The following MIPEP variants were observed in gnomAD, a reference collection of about 807,000 sequenced individuals.
MIPEP encodes the protein mitochondrial intermediate peptidase.
In MIPEP, 79 loss-of-function variants were observed where a neutral mutation model predicts 90.3. The ratio of observed to expected loss-of-function variants is 0.87; its 90% CI spans 0.73 to 1.05. The LOEUF (loss-of-function observed/expected upper bound fraction) is 1.05, where lower values mean the gene tolerates loss of function less well. MIPEP is among the 50% of genes least tolerant of loss of function. MIPEP has a pLI of 0.00. For synonymous variants in MIPEP, 334 were observed against 315.8 expected (o/e 1.06, Z -0.61); for missense variants, 940 against 905.6 (o/e 1.04, Z -0.49).
chr13:23,828,440 T>C (rs754579342), intron 14 of MIPEP, among the ~76,000 whole-genome samples: 2 of 152,198 alleles, frequency 1.3e-5, no homozygotes, highest in South Asian at 2.1e-4. Context: ...TAAAAGTCTA[T>C]AGACAAATTC....
At chr13:23,733,262 G>C (rs1282047597) in intron 18 of MIPEP, among the ~76,000 whole-genome samples, 1 of 150,176 alleles carries the variant, frequency 6.7e-6, no homozygotes, top group African/African-American at 2.4e-5. Flanking sequence ...AGATGGGATT[G>C]AGCAGAAACT....
chr13:23,850,156 C>T (rs776099079), intron 10 of MIPEP, among the ~76,000 whole-genome samples: 16 of 152,182 alleles, frequency 1.1e-4, no homozygotes, highest in East Asian at 1.9e-4. Flanking sequence ...GGACACAGCA[C>T]GTGACAGTAC....
At chr13:23,807,388 T>G (rs1953122792) in intron 15 of MIPEP, among the ~76,000 whole-genome samples, 1 of 152,222 alleles carries the variant, frequency 6.6e-6, no homozygotes, top group African/African-American at 2.4e-5. Context: ...TCTTTGTGAT[T>G]CAGAAATGGG....
intron 18 of MIPEP, among the ~76,000 whole-genome samples, chr13:23,755,040 G>T (rs184421380): frequency 2.6e-4 from 39 of 152,226 alleles, no homozygotes; most frequent in Non-Finnish European, 4.3e-4. Context: ...CTATAAAACG[G>T]GGATCATAAC....
chr13:23,882,492 G>T (rs559210412), intron 2 of MIPEP, among the ~76,000 whole-genome samples: 1 of 151,992 alleles, frequency 6.6e-6, no homozygotes, highest in Non-Finnish European at 1.5e-5. Context: ...ATATGAGTTC[G>T]TAGTCTCCAT....
At chr13:23,820,695 A>G (rs1346276424) in intron 14 of MIPEP, among the ~76,000 whole-genome samples, 3 of 152,182 alleles carry the variant, frequency 2.0e-5, no homozygotes, top group African/African-American at 7.2e-5. Flanking sequence ...CTCCCAGGCC[A>G]GCACAGCCCC....
At position 23,889,303 on chromosome 13, in the gene MIPEP, C is replaced by A; in HGVS notation, c.18G>T (p.Arg6Ser). The A allele has an allele frequency of 6.7e-6, 9 of 1,350,754 alleles. No individual in the cohort carries two copies. Among genetic ancestry groups the A allele is most frequent in the South Asian group, 1.8e-5 (1 of 54,916 alleles). 83.7% of individuals were successfully genotyped at this position (1,350,754 alleles called of 1,614,324 possible). Residue 6 changes from arginine (R) to serine (S), a missense_variant, in exon 1 of 19, where the codon AGG becomes AGT. Physicochemically the swap from Arg to Ser is moderately radical, Grantham distance 110 (BLOSUM62 -1). Transcript: ENST00000382172. MLCVG[R>S]LGGLGARAAA... The stretch of plus-strand genomic sequence containing the variant: ...CTGCTCTGGCTCCCAAGCCGCCCAG[C>A]CTTCCGACGCACAGCATTCTAGCAC...
rs189917087 is a variant in MIPEP at position 23,858,092 on chromosome 13, A to T, written c.1106+768T>A. Among the ~76,000 whole-genome samples, 475 of 152,286 alleles carry T rather than the reference A, an allele frequency of 3.1e-3. 4 individuals are homozygous for T. Among genetic ancestry groups the T allele is most frequent in the African/African-American group, 0.011 (438 of 41,550 alleles). ...CTAACTACAAGGGAAAAATGTTAAT[A>T]AGTTGTTAAAGAGTAGGATTCTGAG... On this transcript the variant is annotated intron_variant, in intron 10 of 18. Coordinates refer to ENST00000382172, the MANE Select transcript of MIPEP (RefSeq NM_005932.4).
At chr13:23,842,720 C>T (rs117293969) in intron 10 of MIPEP, among the ~76,000 whole-genome samples, 12 of 152,192 alleles carry the variant, frequency 7.9e-5, no homozygotes, top group Non-Finnish European at 1.5e-4. Context: ...CGAATGAGCA[C>T]TGCAAAATGG....
At chr13:23,780,555 CT>C (rs1460472492) in intron 16 of MIPEP, among the ~76,000 whole-genome samples, 7 of 152,236 alleles carry the variant, frequency 4.6e-5, no homozygotes, top group African/African-American at 1.7e-4. Flanking sequence ...GCCTCTCCCC[CT>C]CCAAAGGAAC....
At chr13:23,832,056 A>G (rs1868796053) in intron 14 of MIPEP, among the ~76,000 whole-genome samples, 1 of 152,174 alleles carries the variant, frequency 6.6e-6, no homozygotes, top group Admixed American at 6.5e-5. Context: ...TTTAAGCCCC[A>G]ATGGGGCTTA....
At chr13:23,861,981 T>C (rs1444279358) in intron 9 of MIPEP, among the ~76,000 whole-genome samples, 1 of 152,236 alleles carries the variant, frequency 6.6e-6, no homozygotes, top group South Asian at 2.1e-4. Flanking sequence ...AAGCCTCCAC[T>C]GAGTCTCCTT....
intron 18 of MIPEP, among the ~76,000 whole-genome samples, chr13:23,750,565 G>T (rs745721239): frequency 1.3e-5 from 2 of 152,102 alleles, no homozygotes; most frequent in Non-Finnish European, 2.9e-5. Flanking sequence ...TCCACATGAC[G>T]CATCACTGAT....
chr13:23,848,885 G>A (rs1239866937), intron 10 of MIPEP, among the ~76,000 whole-genome samples: 1 of 152,212 alleles, frequency 6.6e-6, no homozygotes, highest in Admixed American at 6.5e-5. Context: ...GAAGGAGAGA[G>A]GTCCAGAGAG....
chr13:23,754,899 C>T (rs1952475634), intron 18 of MIPEP, among the ~76,000 whole-genome samples: 1 of 152,232 alleles, frequency 6.6e-6, no homozygotes, highest in East Asian at 1.9e-4. Flanking sequence ...AGACCCTGAA[C>T]TAGATGTCCT....
Position 23,879,286 on chromosome 13 carries a change from G to A in MIPEP, c.521C>T (p.Ser174Phe). 6.2e-7 allele frequency: 1 copy of A among 1,602,638 alleles called. No individual in the cohort carries two copies. Residue 174 changes from serine (S) to phenylalanine (F), a missense_variant, in exon 4 of 19, where the codon TCC (serine) becomes TTC (phenylalanine). Transcript: ENST00000382172. ...TGAGTACCTTGTTTCTGGATCAAGG[G>A]AATCCACAAGTTTTTTATCAGCTAG... ...KLLADKKLVD[S>F]LDPETRRVAE...
chr13:23,876,986 A>G (rs1406010543), intron 4 of MIPEP, among the ~76,000 whole-genome samples: 3 of 152,180 alleles, frequency 2.0e-5, no homozygotes, highest in African/African-American at 7.2e-5. Context: ...CTTACTGTTT[A>G]TGTATCTGTG....
intron 18 of MIPEP, among the ~76,000 whole-genome samples, chr13:23,753,646 G>T (rs1282484099): frequency 1.3e-5 from 2 of 152,124 alleles, no homozygotes. Context: ...AAACATCAGG[G>T]AAAAAAGAAA....
intron 18 of MIPEP, among the ~76,000 whole-genome samples, chr13:23,736,653 A>G (rs1489763443): frequency 6.6e-6 from 1 of 152,142 alleles, no homozygotes; most frequent in Non-Finnish European, 1.5e-5. Flanking sequence ...CTGCAGACAT[A>G]CAGCTGGAGA....
Sources: gnomAD v4.1 joint callset for allele counts (sites outside exome capture counted in the v4.1 genomes callset) on GRCh38, gnomAD v4.1.1 for gene constraint, MANE v1.5 for transcripts, NCBI Gene and HGNC (gene_info 2026-07-23, HGNC 2026-07-21) for gene names.